The following ASIC2 variants were observed in gnomAD, a reference collection of about 807,000 sequenced individuals.
ASIC2 encodes acid sensing ion channel subunit 2, also known as acid-sensing ion channel 2.
A neutral mutation model predicts 57.3 loss-of-function variants in ASIC2; 25 were observed. The observed-to-expected ratio is 0.44, with a 90% CI of 0.32 to 0.61. The LOEUF (loss-of-function observed/expected upper bound fraction) is 0.61. Among genes scored for constraint, ASIC2 ranks in the 20% least tolerant of loss-of-function variants. The pLI is 0.06. For synonymous variants in ASIC2, 319 were observed against 307.5 expected (o/e 1.04, Z -0.39); for missense variants, 641 against 738.1 (o/e 0.87, Z 1.52).
chr17:34,096,730 G>A (rs539345642), intron 1 of ASIC2, among the ~76,000 whole-genome samples: 2 of 151,750 alleles, frequency 1.3e-5, no homozygotes, highest in African/African-American at 4.8e-5. Context: ...GGTGGCAGGC[G>A]CCTGTAGTCC....
At chr17:33,505,588 G>A (rs907099507) in intron 1 of ASIC2, among the ~76,000 whole-genome samples, 2 of 152,224 alleles carry the variant, frequency 1.3e-5, no homozygotes, top group Admixed American at 6.5e-5. Context: ...GTAGCATGAA[G>A]CACAGACTCC....
At chr17:33,147,118 G>T (rs1378667155) in intron 1 of ASIC2, among the ~76,000 whole-genome samples, 1 of 152,150 alleles carries the variant, frequency 6.6e-6, no homozygotes, top group East Asian at 1.9e-4. Flanking sequence ...AGGTAAACTG[G>T]ACAATATGAC....
chr17:33,228,603 A>G (rs1335099264), intron 1 of ASIC2, among the ~76,000 whole-genome samples: 1 of 152,262 alleles, frequency 6.6e-6, no homozygotes, highest in African/African-American at 2.4e-5. Flanking sequence ...AAGTCAAGTC[A>G]GTCTGAAAAC....
chr17:33,242,361 T>C (rs953206803), intron 1 of ASIC2, among the ~76,000 whole-genome samples: 2 of 151,690 alleles, frequency 1.3e-5, no homozygotes, highest in African/African-American at 4.8e-5. Context: ...AATCAGAAAG[T>C]CTTCCATGAT....
chr17:33,194,931 C>A (rs16968138), intron 1 of ASIC2, among the ~76,000 whole-genome samples: 17,975 of 152,136 alleles, frequency 0.12, 1,466 homozygotes, highest in African/African-American at 0.22. Context: ...GGAAAGACAA[C>A]AAGTTTAATG....
intron 3 of ASIC2, among the ~76,000 whole-genome samples, chr17:33,060,227 G>A (rs1041159523): frequency 2.0e-5 from 3 of 152,218 alleles, no homozygotes; most frequent in Middle Eastern, 3.4e-3. Flanking sequence ...TAGACATGAC[G>A]TCCTTGCCCA....
intron 1 of ASIC2, among the ~76,000 whole-genome samples, chr17:34,134,341 A>T (rs951805304): frequency 6.6e-6 from 1 of 152,218 alleles, no homozygotes; most frequent in Non-Finnish European, 1.5e-5. Flanking sequence ...CAAATGCCCC[A>T]AAGTCCCCAG....
chr17:34,079,278 T>TC (rs1055131526), intron 1 of ASIC2, among the ~76,000 whole-genome samples: 5 of 152,058 alleles, frequency 3.3e-5, no homozygotes, highest in African/African-American at 1.2e-4. Flanking sequence ...GCCCACTCCC[T>TC]CCCCCCAGTA....
intron 1 of ASIC2, among the ~76,000 whole-genome samples, chr17:33,743,427 A>G (rs980074329): frequency 1.3e-5 from 2 of 152,238 alleles, no homozygotes; most frequent in African/African-American, 2.4e-5. Context: ...GGGTTACCAC[A>G]TGTGATAGTT....
chr17:33,288,853 GT>G (rs2142178483), intron 1 of ASIC2, among the ~76,000 whole-genome samples: 1 of 152,278 alleles, frequency 6.6e-6, no homozygotes, highest in African/African-American at 2.4e-5. Flanking sequence ...AGGGCACATG[GT>G]AAGTGGTAGA....
chr17:33,340,141 C>T (rs1400922343), intron 1 of ASIC2, among the ~76,000 whole-genome samples: 3 of 152,176 alleles, frequency 2.0e-5, no homozygotes. Context: ...AGCGTTAAAA[C>T]TCAGAAAGCA....
intron 1 of ASIC2, among the ~76,000 whole-genome samples, chr17:33,825,982 A>T (rs1430809948): frequency 6.6e-6 from 1 of 152,214 alleles, no homozygotes; most frequent in African/African-American, 2.4e-5. Flanking sequence ...GGCAATTTAA[A>T]CAACTCGGGA....
chr17:33,431,100 A>G (rs1911400893), intron 1 of ASIC2, among the ~76,000 whole-genome samples: 1 of 152,208 alleles, frequency 6.6e-6, no homozygotes, highest in Non-Finnish European at 1.5e-5. Flanking sequence ...CTCACTGGAA[A>G]GCACAGGGGG....
At chr17:33,213,775 T>C (rs568619747) in intron 1 of ASIC2, among the ~76,000 whole-genome samples, 1 of 152,250 alleles carries the variant, frequency 6.6e-6, no homozygotes, top group Admixed American at 6.5e-5. Context: ...TTTGTGTCTC[T>C]GGAAAATGGG....
intron 1 of ASIC2, among the ~76,000 whole-genome samples, chr17:34,141,876 G>C (rs911539919): frequency 6.6e-6 from 1 of 152,164 alleles, no homozygotes; most frequent in Non-Finnish European, 1.5e-5. Flanking sequence ...CATTGCTCTG[G>C]GGGGAACAAT....
In ASIC2 at chr17:33,391,947, C is replaced by T. The variant is rs117435400; in HGVS notation, c.556-279880G>A. Among the ~76,000 whole-genome samples, 59 of 152,234 alleles carry T rather than the reference C, an allele frequency of 3.9e-4. No individual in the cohort carries two copies. The East Asian group carries it at 0.011, about 28-fold the overall frequency. ...GATATCCTATAACTTACAACTGATC[C>T]ATGTTCTTTTGATTCCAAAATTTTT... On this transcript the variant is annotated intron_variant, in intron 1 of 9. Coordinates refer to the ASIC2 transcript ENST00000359872.
intron 1 of ASIC2, among the ~76,000 whole-genome samples, chr17:33,414,151 T>C (rs2141966769): frequency 6.6e-6 from 1 of 152,166 alleles, no homozygotes; most frequent in Non-Finnish European, 1.5e-5. Context: ...ACAAGGAAGG[T>C]ACACGCCATA....
At chr17:33,941,482 C>T (rs1488552687) in intron 1 of ASIC2, among the ~76,000 whole-genome samples, 1 of 152,176 alleles carries the variant, frequency 6.6e-6, no homozygotes, top group Non-Finnish European at 1.5e-5. Context: ...GTGGCTCATC[C>T]CAAGTGGGAC....
intron 1 of ASIC2, among the ~76,000 whole-genome samples, chr17:33,478,827 T>C (rs1913312328): frequency 6.6e-6 from 1 of 152,240 alleles, no homozygotes; most frequent in African/African-American, 2.4e-5. Flanking sequence ...GTTTTTACTC[T>C]GTGTTCCTAG....
Sources: allele counts gnomAD v4.1 joint callset (sites outside exome capture counted in the v4.1 genomes callset), GRCh38; gene constraint gnomAD v4.1.1; transcripts MANE v1.5; gene names NCBI Gene and HGNC (gene_info 2026-07-23, HGNC 2026-07-21).